CALN1: variants seen among roughly 807,000 people sequenced by gnomAD.
The protein encoded by CALN1 is calneuron 1.
Under a neutral mutation model 30.6 loss-of-function variants are expected in CALN1, and 17 were observed. That is an observed-to-expected ratio of 0.56 (90% CI 0.38 to 0.83). The LOEUF (loss-of-function observed/expected upper bound fraction) is 0.83, where lower values mean the gene tolerates loss of function less well. CALN1 is among the 40% of genes least tolerant of loss of function. The pLI is 0.00. For missense variants in CALN1, 291 were observed against 354.9 expected (o/e 0.82, Z 1.45); for synonymous variants, 156 against 131.4 (o/e 1.19, Z -1.28).
At chr7:72,150,813 C>T (rs1309180886) in intron 3 of CALN1, among the ~76,000 whole-genome samples, 1 of 152,080 alleles carries the variant, frequency 6.6e-6, no homozygotes, top group African/African-American at 2.4e-5. Context: ...TAATGTAAAA[C>T]ATGCAAAGTA....
At chr7:72,274,863 G>C (rs774283084) in intron 3 of CALN1, among the ~76,000 whole-genome samples, 2 of 152,068 alleles carry the variant, frequency 1.3e-5, no homozygotes, top group Non-Finnish European at 2.9e-5. Flanking sequence ...ACTTTAATCT[G>C]ATCATTTTGA....
intron 4 of CALN1, among the ~76,000 whole-genome samples, chr7:72,037,476 C>G (rs550534416): frequency 2.2e-4 from 34 of 152,186 alleles, no homozygotes; most frequent in Non-Finnish European, 3.7e-4. Flanking sequence ...GATAGTCGAA[C>G]CATATCATTT....
the CALN1 span, among the ~76,000 whole-genome samples, chr7:72,473,473 T>C: frequency 6.6e-6 from 1 of 152,162 alleles, no homozygotes; most frequent in Non-Finnish European, 1.5e-5. Flanking sequence ...TCAACGAGAT[T>C]TTTGGCTGAT....
intron 5 of CALN1, among the ~76,000 whole-genome samples, chr7:71,951,256 GA>G (rs1796675864): frequency 6.6e-6 from 1 of 152,096 alleles, no homozygotes; most frequent in South Asian, 2.1e-4. Flanking sequence ...GTACTCTCCA[GA>G]AAACACTCTC....
intron 1 of CALN1, among the ~76,000 whole-genome samples, chr7:72,420,711 C>T (rs1562962633): frequency 6.6e-6 from 1 of 151,392 alleles, no homozygotes; most frequent in South Asian, 2.1e-4. Flanking sequence ...GCAAGCTCCG[C>T]CTCCCGGGTT....
intron 5 of CALN1, among the ~76,000 whole-genome samples, chr7:71,821,784 CTTTCTTT>C (rs1562810267): frequency 3.5e-5 from 5 of 144,476 alleles, no homozygotes; most frequent in East Asian, 4.1e-4. Context: ...CTAAATGTTT[CTTTCTTT>C]TTTTTTTTTT....
intron 2 of CALN1, among the ~76,000 whole-genome samples, chr7:72,397,798 G>A (rs559186154): frequency 3.3e-5 from 5 of 150,562 alleles, no homozygotes; most frequent in Admixed American, 6.6e-5. Context: ...CTACCCTTAG[G>A]ACTTACTTTA....
chr7:72,372,567 T>TC (rs1435624953), intron 2 of CALN1, among the ~76,000 whole-genome samples: 1 of 152,194 alleles, frequency 6.6e-6, no homozygotes, highest in African/African-American at 2.4e-5. Context: ...ATTGATTCAA[T>TC]CCTAATCAAT....
At chr7:72,230,621 G>A (rs1794030963) in intron 3 of CALN1, among the ~76,000 whole-genome samples, 1 of 152,088 alleles carries the variant, frequency 6.6e-6, no homozygotes, top group African/African-American at 2.4e-5. Context: ...AAGGAATGCA[G>A]GCAGACTCTA....
chr7:71,963,082 T>C (rs1304689654), intron 5 of CALN1, among the ~76,000 whole-genome samples: 1 of 152,200 alleles, frequency 6.6e-6, no homozygotes, highest in Non-Finnish European at 1.5e-5. Flanking sequence ...CAGGTAAACC[T>C]GGAAAGTTTA....
At chr7:72,407,157 T>G (rs1002160455) in intron 1 of CALN1, among the ~76,000 whole-genome samples, 3 of 152,202 alleles carry the variant, frequency 2.0e-5, no homozygotes, top group African/African-American at 7.2e-5. Context: ...CTAATCAAAT[T>G]AGACCATCCA....
chr7:72,262,712 T>C (rs938178181), intron 3 of CALN1, among the ~76,000 whole-genome samples: 1 of 152,244 alleles, frequency 6.6e-6, no homozygotes, highest in African/African-American at 2.4e-5. Flanking sequence ...CAGTATTCCA[T>C]GTTGTATATG....
At chr7:72,162,425 G>A (rs1218568395) in intron 3 of CALN1, among the ~76,000 whole-genome samples, 1 of 151,954 alleles carries the variant, frequency 6.6e-6, no homozygotes, top group Non-Finnish European at 1.5e-5. Flanking sequence ...CAGAATCTTG[G>A]GGGTTAAAAA....
At position 72,209,005 on chromosome 7, in the gene CALN1, CTTCCCTCT is replaced by C. The variant is rs1387413871; in HGVS notation, c.244+69673_244+69680del. 6.4e-4 allele frequency among the ~76,000 whole-genome samples: 85 copies of C among 132,702 alleles called. 1 individual carries two copies. The highest frequency in any genetic ancestry group is 2.3e-4 in the African/African-American group (8 of 34,260). 87.1% of individuals were successfully genotyped at this position (132,702 alleles called of 152,430 possible). Reference sequence around the variant, plus strand: ...TCCTACTTCCTTCCTTCCTTCCCTCCTTCCCTCTTTCCTTCCTTCCCTCCTTCCTTCTC... The same window carrying C: ...TCCTACTTCCTTCCTTCCTTCCCTCCTTCCTTCCTTCCCTCCTTCCTTCTC... On this transcript the variant is annotated intron_variant, in intron 3 of 6. Transcript: ENST00000395275.
the CALN1 span, among the ~76,000 whole-genome samples, chr7:72,472,639 G>A: frequency 6.6e-6 from 1 of 152,124 alleles, no homozygotes; most frequent in Non-Finnish European, 1.5e-5. Flanking sequence ...AAAATTAGCT[G>A]GGCGTGGTGG....
At chr7:72,303,032 G>C (rs1235453449) in intron 2 of CALN1, among the ~76,000 whole-genome samples, 1 of 150,976 alleles carries the variant, frequency 6.6e-6, no homozygotes, top group Non-Finnish European at 1.5e-5. Context: ...AGTGAGCTAT[G>C]ATGGTGCCAT....
intron 5 of CALN1, among the ~76,000 whole-genome samples, chr7:71,885,208 G>A (rs1200233717): frequency 6.6e-6 from 1 of 152,190 alleles, no homozygotes; most frequent in Non-Finnish European, 1.5e-5. Context: ...CTGCTCTGCA[G>A]TGGTGTGATC....
rs548325286 is a variant in CALN1, at chr7:72,175,034, A to G, written c.245-68740T>C. 8.5e-5 allele frequency among the ~76,000 whole-genome samples: 13 copies of G among 152,198 alleles called. No individual in the cohort carries two copies. The East Asian group carries it at 1.7e-3, about 20-fold the overall frequency. On this transcript the variant is annotated intron_variant, in intron 3 of 6. Coordinates refer to ENST00000395275, the MANE Select transcript of CALN1 (RefSeq NM_031468.4). Reference sequence around the variant, plus strand: ...AAACTCAACAAATTGCACAATTTAAATATGTGCAGTGTACTGTATGTAAAC... The same window carrying G: ...AAACTCAACAAATTGCACAATTTAAGTATGTGCAGTGTACTGTATGTAAAC...
intron 3 of CALN1, among the ~76,000 whole-genome samples, chr7:72,170,442 C>G (rs188882615): frequency 6.2e-4 from 95 of 152,326 alleles, no homozygotes; most frequent in African/African-American, 2.1e-3. Flanking sequence ...ACCAGATGAG[C>G]AGCAGCTGCA....
Sources: gnomAD v4.1 joint callset for allele counts (sites outside exome capture counted in the v4.1 genomes callset) on GRCh38, gnomAD v4.1.1 for gene constraint, MANE v1.5 for transcripts, NCBI Gene and HGNC (gene_info 2026-07-23, HGNC 2026-07-21) for gene names.